LUZP2: variants seen among roughly 807,000 people sequenced by gnomAD.
LUZP2 encodes the protein leucine zipper protein 2.
Under a neutral mutation model 51.6 loss-of-function variants are expected in LUZP2, and 52 were observed. The observed-to-expected ratio is 1.01, with a 90% CI of 0.81 to 1.27. The LOEUF is 1.27. Ranked by LOEUF, LUZP2 falls within the 50% of genes most tolerant of loss-of-function variation. The pLI is 0.00. For synonymous variants in LUZP2, 154 were observed against 137.3 expected (o/e 1.12, Z -0.85); for missense variants, 436 against 395.4 (o/e 1.10, Z -0.87).
At chr11:24,957,510 C>T (rs1162080734) in intron 7 of LUZP2, among the ~76,000 whole-genome samples, 2 of 152,032 alleles carry the variant, frequency 1.3e-5, no homozygotes, top group Non-Finnish European at 2.9e-5. Flanking sequence ...TCCATCCCCT[C>T]GATGCTTCCC....
At chr11:24,832,893 C>A (rs1270072896) in intron 5 of LUZP2, among the ~76,000 whole-genome samples, 9 of 149,506 alleles carry the variant, frequency 6.0e-5, no homozygotes, top group Non-Finnish European at 1.0e-4. Flanking sequence ...TTACTTTAGT[C>A]CCCTGTATAA....
chr11:24,964,399 A>G (rs1420947706), intron 7 of LUZP2, among the ~76,000 whole-genome samples: 5 of 152,222 alleles, frequency 3.3e-5, no homozygotes, highest in Non-Finnish European at 7.4e-5. Flanking sequence ...ATATAGTAAT[A>G]TAGAAACAGC....
At chr11:24,560,996 G>C (rs1372237131) in intron 1 of LUZP2, among the ~76,000 whole-genome samples, 6 of 152,114 alleles carry the variant, frequency 3.9e-5, no homozygotes, top group African/African-American at 1.4e-4. Context: ...GAACTATCTG[G>C]AGTAGAGACA....
intron 5 of LUZP2, among the ~76,000 whole-genome samples, chr11:24,843,773 G>A (rs1446551309): frequency 6.6e-6 from 1 of 152,072 alleles, no homozygotes; most frequent in African/African-American, 2.4e-5. Flanking sequence ...GGTGTTTCCT[G>A]TACTGTTCTC....
intron 1 of LUZP2, among the ~76,000 whole-genome samples, chr11:24,644,494 T>G (rs963703888): frequency 2.0e-5 from 3 of 152,038 alleles, no homozygotes; most frequent in Non-Finnish European, 4.4e-5. Context: ...ACCTCTCTTT[T>G]TTTTTTTTTC....
At chr11:24,716,672 G>A (rs12287319) in intron 1 of LUZP2, among the ~76,000 whole-genome samples, 2,677 of 152,224 alleles carry the variant, frequency 0.018, 65 homozygotes, top group African/African-American at 0.061. Flanking sequence ...CAAGGCGGAC[G>A]GATCACCTGA....
rs1364313121 is a variant in LUZP2, at chr11:24,522,690, C to A, written c.62+25385C>A. On this transcript the variant is annotated intron_variant, in intron 1 of 11. Transcript: ENST00000336930. The stretch of plus-strand genomic sequence containing the variant: ...CACTCTATATTGGCTTTTATATAAT[C>A]CACTCGGAAAGGATGTGAAATTAAA... 2.0e-5 allele frequency among the ~76,000 whole-genome samples: 3 copies of A among 151,946 alleles called. No individual in the cohort carries two copies. The East Asian group carries it at 5.8e-4, about 29-fold the overall frequency.
intron 5 of LUZP2, among the ~76,000 whole-genome samples, chr11:24,765,641 T>A (rs28579913): frequency 0.12 from 17,673 of 149,552 alleles, 1,266 homozygotes; most frequent in East Asian, 0.41. Context: ...TTTTTTTTTT[T>A]TTTTGAGACG....
chr11:25,014,077 A>G (rs1436343206), intron 9 of LUZP2, among the ~76,000 whole-genome samples: 7 of 152,036 alleles, frequency 4.6e-5, no homozygotes, highest in Non-Finnish European at 8.8e-5. Flanking sequence ...AAGGACATGA[A>G]CTCATCCTTT....
At chr11:24,633,653 T>C (rs968527969) in intron 1 of LUZP2, among the ~76,000 whole-genome samples, 2 of 151,986 alleles carry the variant, frequency 1.3e-5, no homozygotes, top group East Asian at 1.9e-4. Context: ...TTTACTTTTA[T>C]AAAAAGTTTT....
intron 1 of LUZP2, among the ~76,000 whole-genome samples, chr11:24,506,724 C>T (rs2133764777): frequency 6.6e-6 from 1 of 152,184 alleles, no homozygotes; most frequent in South Asian, 2.1e-4. Context: ...CCTATGACAA[C>T]ACATTATATT....
At chr11:24,792,789 T>C (rs1203242523) in intron 5 of LUZP2, among the ~76,000 whole-genome samples, 2 of 152,154 alleles carry the variant, frequency 1.3e-5, no homozygotes, top group Non-Finnish European at 2.9e-5. Context: ...TTGTTCCTAC[T>C]CAATCCACAC....
At chr11:24,812,784 A>T (rs944157170) in intron 5 of LUZP2, among the ~76,000 whole-genome samples, 1 of 152,162 alleles carries the variant, frequency 6.6e-6, no homozygotes, top group Admixed American at 6.6e-5. Flanking sequence ...TAACCAAGGA[A>T]TTAAGGAAAG....
chr11:24,937,764 G>T (rs548053900), intron 7 of LUZP2, among the ~76,000 whole-genome samples: 2 of 152,134 alleles, frequency 1.3e-5, no homozygotes, highest in Non-Finnish European at 1.5e-5. Flanking sequence ...AGCCGGGCGT[G>T]GTGGCGGGCG....
chr11:24,570,355 A>G (rs1371095534), intron 1 of LUZP2, among the ~76,000 whole-genome samples: 1 of 151,968 alleles, frequency 6.6e-6, no homozygotes, highest in East Asian at 1.9e-4. Context: ...TGATATTTGC[A>G]CCAGTCATGG....
intron 1 of LUZP2, among the ~76,000 whole-genome samples, chr11:24,529,519 T>C (rs971296712): frequency 6.1e-5 from 9 of 147,676 alleles, no homozygotes; most frequent in African/African-American, 2.3e-4. Flanking sequence ...TTAGCATTCA[T>C]CATTATTTCT....
At chr11:24,918,426 G>A (rs1039602139) in intron 7 of LUZP2, among the ~76,000 whole-genome samples, 2 of 151,898 alleles carry the variant, frequency 1.3e-5, no homozygotes, top group Admixed American at 1.3e-4. Context: ...TTTTCAAAGG[G>A]AATGCTTCCA....
intron 8 of LUZP2, among the ~76,000 whole-genome samples, chr11:24,981,377 T>C (rs1325848975): frequency 6.6e-6 from 1 of 151,772 alleles, no homozygotes; most frequent in African/African-American, 2.4e-5. Flanking sequence ...GCTAATGCAT[T>C]GTAATTAGTA....
intron 5 of LUZP2, among the ~76,000 whole-genome samples, chr11:24,785,177 C>A (rs549566050): frequency 6.6e-6 from 1 of 152,114 alleles, no homozygotes; most frequent in African/African-American, 2.4e-5. Flanking sequence ...ATCATCTGTT[C>A]CCATCACATT....
Sources: allele counts gnomAD v4.1 joint callset (sites outside exome capture counted in the v4.1 genomes callset), GRCh38; gene constraint gnomAD v4.1.1; transcripts MANE v1.5; gene names NCBI Gene and HGNC (gene_info 2026-07-23, HGNC 2026-07-21).